Variants in ERBIN observed in about 807,000 individuals in gnomAD.
The protein encoded by ERBIN is densin-180-like protein.
In ERBIN, 60 loss-of-function variants were observed where a neutral mutation model predicts 158.4. The observed-to-expected ratio is 0.38, with a 90% CI of 0.31 to 0.47. ERBIN has a LOEUF of 0.47. ERBIN is among the 20% of genes least tolerant of loss of function. The probability of loss-of-function intolerance (pLI) is 0.99; values close to 1 mark genes in which losing one functional copy is unlikely to be tolerated. For missense variants in ERBIN, 1,610 were observed against 1,648.0 expected (o/e 0.98, Z 0.40); for synonymous variants, 594 against 557.2 (o/e 1.07, Z -0.93).
At chr5:65,996,882 G>A (rs934174017) in intron 4 of ERBIN, among the ~76,000 whole-genome samples, 1 of 151,466 alleles carries the variant, frequency 6.6e-6, no homozygotes, top group Non-Finnish European at 1.5e-5. Context: ...TATTTTTTTG[G>A]TAGCTATTAT....
At chr5:66,008,446 CT>C (rs1392110054) in intron 4 of ERBIN, among the ~76,000 whole-genome samples, 1 of 151,950 alleles carries the variant, frequency 6.6e-6, no homozygotes. Flanking sequence ...ATGAAGTATT[CT>C]TTTGTATTTG....
chr5:65,958,868 T>C (rs1747598192), intron 1 of ERBIN, among the ~76,000 whole-genome samples: 1 of 152,160 alleles, frequency 6.6e-6, no homozygotes, highest in Non-Finnish European at 1.5e-5. Context: ...TGCAGGGTAA[T>C]GTAAGTGTTC....
chr5:65,963,422 C>T (rs1289456630), intron 1 of ERBIN, among the ~76,000 whole-genome samples: 1 of 152,004 alleles, frequency 6.6e-6, no homozygotes, highest in East Asian at 1.9e-4. Context: ...ACCGTGAAAC[C>T]CCGTCTCTAC....
intron 14 of ERBIN, among the ~76,000 whole-genome samples, chr5:66,036,828 C>T (rs142685998): frequency 2.6e-5 from 4 of 152,240 alleles, no homozygotes; most frequent in African/African-American, 7.2e-5. Flanking sequence ...GAAATGAAAT[C>T]GGATTAAAGA....
intron 1 of ERBIN, chr5:65,984,706 AGTGGGGAGC>A (rs1349847904): frequency 6.6e-6 from 1 of 152,294 alleles, no homozygotes; most frequent in Non-Finnish European, 1.5e-5. Flanking sequence ...CCATCTGCAC[AGTGGGGAGC>A]GTGGAGGGAT....
rs749644315 is a variant in ERBIN at position 66,054,959 on chromosome 5, A to C, written c.3633+8A>C. On this transcript the variant is annotated splice_region_variant and intron_variant, in intron 21 of 25. Transcript: ENST00000284037. ...GCCAAAAAGTTAGAAAAGGTAATTGAACATGAGTTTTTCATTATTTTCTTT... is the reference window on the plus strand; with the variant it reads ...GCCAAAAAGTTAGAAAAGGTAATTGCACATGAGTTTTTCATTATTTTCTTT... The C allele has an allele frequency of 6.5e-7, 1 of 1,547,416 alleles. No individual in the cohort carries two copies. Among genetic ancestry groups the C allele is most frequent in the Non-Finnish European group, 8.7e-7 (1 of 1,149,176 alleles).
rs1438930554 is a variant in ERBIN, at chr5:66,074,912, T to G, written c.3757-112T>G. 3 of 870,566 alleles carry G rather than the reference T, an allele frequency of 3.4e-6. No homozygotes were observed. In the Admixed American group the frequency reaches 7.9e-5, roughly 23 times the overall value. The allele number at this position is 870,566 out of a possible 1,614,324, so 53.9% of individuals were successfully genotyped here. On this transcript the variant is annotated intron_variant, in intron 22 of 25. Coordinates refer to ENST00000284037, the MANE Select transcript of ERBIN (RefSeq NM_001253697.2). ...AGTAAGTGGCATGGTATTGTTTGACTTAATTAGAATGTGAAAACTCTAGTG... is the reference window on the plus strand; with the variant it reads ...AGTAAGTGGCATGGTATTGTTTGACGTAATTAGAATGTGAAAACTCTAGTG...
chr5:65,962,849 G>A (rs897685162), intron 1 of ERBIN, among the ~76,000 whole-genome samples: 1 of 152,094 alleles, frequency 6.6e-6, no homozygotes, highest in Non-Finnish European at 1.5e-5. Flanking sequence ...AATTAAGGAT[G>A]GTTCTAAAAT....
Position 66,054,679 on chromosome 5 carries a change from C to G in ERBIN, c.3361C>G (p.Pro1121Ala). 1 of 1,614,036 alleles carries G rather than the reference C, an allele frequency of 6.2e-7. No individual in the cohort carries two copies. Among genetic ancestry groups the G allele is most frequent in the South Asian group, 1.1e-5 (1 of 91,082 alleles). ...AGCGGGAAGAACTCCTCCAATGATG[C>G]CAGGATCACAGAGACCCCTTTCTGC... is the stretch of plus-strand genomic sequence containing the variant. ...HSAGRTPPMMPGSQRPLSART... is the reference protein window; with the variant it reads ...HSAGRTPPMMAGSQRPLSART... Residue 1121 changes from proline to alanine, a missense_variant, in exon 21 of 26, where the codon CCA becomes GCA. Physicochemically the swap from Pro to Ala is conservative, Grantham distance 27. Around this residue, in one of 2 missense-constraint regions of ERBIN, gnomAD observed 1,014 missense variants for 936.1 expected, o/e 1.08. Transcript: ENST00000284037.
At chr5:66,018,573 T>A (rs370307904) in intron 7 of ERBIN, among the ~76,000 whole-genome samples, 304 of 29,018 alleles carry the variant, frequency 0.01, 103 homozygotes, top group Middle Eastern at 0.06. Flanking sequence ...TATATTATAT[T>A]ATATAATATA....
In ERBIN at chr5:65,994,752, T is replaced by G. The variant is rs1479508024; in HGVS notation, c.195T>G (p.Leu65=). Residue 65 remains leucine (L), a synonymous_variant, in exon 4 of 26, where the codon CTT becomes CTG. Transcript: ENST00000284037. The part of the protein sequence containing the change: ...ANQIEELPKQ[L]FNCQSLHKLS... ...TTCCTCCCTTTTTTCAATAGCAACTTTTTAACTGTCAGTCTTTACACAAAC... is the reference window on the plus strand; with the variant it reads ...TTCCTCCCTTTTTTCAATAGCAACTGTTTAACTGTCAGTCTTTACACAAAC... 1.3e-6 allele frequency: 2 copies of G among 1,580,562 alleles called. No homozygotes were observed. The highest frequency in any genetic ancestry group is 2.7e-5 in the African/African-American group (2 of 73,248).
At chr5:65,978,415 T>C (rs1169710629) in intron 1 of ERBIN, among the ~76,000 whole-genome samples, 1 of 152,220 alleles carries the variant, frequency 6.6e-6, no homozygotes, top group Non-Finnish European at 1.5e-5. Flanking sequence ...GTTTCCTAAG[T>C]TACATCAGTC....
In ERBIN at chr5:66,019,524, G is replaced by A. The variant is rs552406049; in HGVS notation, c.534-1798G>A. Among the ~76,000 whole-genome samples the A allele has an allele frequency of 3.9e-5, 6 of 152,260 alleles. No individual in the cohort carries two copies. In the South Asian group the frequency reaches 1.2e-3, roughly 32 times the overall value. ...TTATGTTTTCTCCTTGAGAGAGGCAGCTAGATCTTATTCTAGGATGCAGTT... is the reference window on the plus strand; with the variant it reads ...TTATGTTTTCTCCTTGAGAGAGGCAACTAGATCTTATTCTAGGATGCAGTT... On this transcript the variant is annotated intron_variant, in intron 7 of 25. Transcript: ENST00000284037.
chr5:66,011,978 A>G (rs1489325112), intron 4 of ERBIN, 71 bp from the exon 5 acceptor site: 2 of 932,416 alleles, frequency 2.1e-6, no homozygotes, highest in African/African-American at 1.7e-5. Context: ...TGGAAGGCAT[A>G]TATTATTGTT....
rs528089933 is a variant in ERBIN at position 65,968,403 on chromosome 5, G to C, written c.-57-20232G>C. 2.0e-5 allele frequency among the ~76,000 whole-genome samples: 3 copies of C among 152,260 alleles called. No individual in the cohort carries two copies. In the South Asian group the frequency reaches 6.2e-4, roughly 32 times the overall value. On this transcript the variant is annotated intron_variant, in intron 1 of 25. Coordinates refer to ENST00000284037, the MANE Select transcript of ERBIN (RefSeq NM_001253697.2). ...GTGTGGAAAATATATTTAAGTACTA[G>C]AGTAGCATTCAGCAAGGTGCAATTA...
chr5:65,998,613 T>C (rs1192232375), intron 4 of ERBIN, among the ~76,000 whole-genome samples: 6 of 152,086 alleles, frequency 3.9e-5, no homozygotes, highest in Non-Finnish European at 7.4e-5. Flanking sequence ...TTAAAAATTT[T>C]TGGCCAGGCC....
intron 14 of ERBIN, among the ~76,000 whole-genome samples, chr5:66,029,303 T>C (rs919356561): frequency 6.6e-6 from 1 of 152,214 alleles, no homozygotes; most frequent in Non-Finnish European, 1.5e-5. Context: ...AATTTACTGA[T>C]CTTTTGAATT....
chr5:65,929,505 A>T (rs1391227411), intron 1 of ERBIN, among the ~76,000 whole-genome samples: 2 of 151,950 alleles, frequency 1.3e-5, no homozygotes, highest in African/African-American at 4.8e-5. Context: ...TACATACCCT[A>T]CTTGGCTGCT....
In ERBIN at chr5:65,992,728, A is replaced by G; in HGVS notation, c.10A>G (p.Lys4Glu). The change falls in exon 3 of 26, where the codon AAA becomes GAA. Residue 4 changes from lysine (K) to glutamate (E), a missense_variant. By Grantham distance (56) the Lys-to-Glu change is moderately conservative. Coordinates refer to ENST00000284037, the MANE Select transcript of ERBIN (RefSeq NM_001253697.2). MTTKRSLFVRLVPC... is the reference protein window; with the variant it reads MTTERSLFVRLVPC... ...ATTGCAGTGTCTAAAAATGACTACA[A>G]AACGAAGTTTGTTTGTGCGGTTGGT... 6.3e-7 allele frequency: 1 copy of G among 1,590,210 alleles called. No homozygotes were observed. Among genetic ancestry groups the G allele is most frequent in the Non-Finnish European group, 8.5e-7 (1 of 1,172,648 alleles).
Sources: allele counts gnomAD v4.1 joint callset (sites outside exome capture counted in the v4.1 genomes callset), GRCh38; gene constraint gnomAD v4.1.1; regional missense constraint gnomAD v4.1.1; transcripts MANE v1.5; gene names NCBI Gene and HGNC (gene_info 2026-07-23, HGNC 2026-07-21).